PDZRN3: variants seen among roughly 807,000 people sequenced by gnomAD.
PDZRN3 encodes E3 ubiquitin-protein ligase PDZRN3.
PDZRN3 carries 38 observed loss-of-function variants against 85.7 expected under a neutral mutation model. The observed-to-expected ratio is 0.44, with a 90% CI of 0.34 to 0.58. The LOEUF (loss-of-function observed/expected upper bound fraction) is 0.58. Among genes scored for constraint, PDZRN3 ranks in the 20% least tolerant of loss-of-function variants. PDZRN3 has a pLI of 0.01. For missense variants in PDZRN3, 1,629 were observed against 1,506.4 expected (o/e 1.08, Z -1.35); for synonymous variants, 759 against 638.0 (o/e 1.19, Z -2.86).
chr3:73,557,367 T>C (rs1389754408), intron 3 of PDZRN3, among the ~76,000 whole-genome samples: 1 of 152,254 alleles, frequency 6.6e-6, no homozygotes, highest in Non-Finnish European at 1.5e-5. Flanking sequence ...TAATAAAATC[T>C]GAAATATCTT....
chr3:73,471,465 T>C (rs1472845352), intron 3 of PDZRN3, among the ~76,000 whole-genome samples: 1 of 152,196 alleles, frequency 6.6e-6, no homozygotes, highest in African/African-American at 2.4e-5. Flanking sequence ...ATGTAATAAA[T>C]TAATCTAGGG....
intron 3 of PDZRN3, among the ~76,000 whole-genome samples, chr3:73,577,972 C>G (rs1280893712): frequency 1.3e-5 from 2 of 152,216 alleles, no homozygotes; most frequent in Non-Finnish European, 2.9e-5. Flanking sequence ...ATGGTTGAAG[C>G]AAACGCCACA....
At chr3:73,422,511 C>T (rs1207605383) in intron 3 of PDZRN3, among the ~76,000 whole-genome samples, 1 of 152,168 alleles carries the variant, frequency 6.6e-6, no homozygotes, top group Non-Finnish European at 1.5e-5. Context: ...AAAAAAATCA[C>T]TGAAATATTA....
intron 3 of PDZRN3, among the ~76,000 whole-genome samples, chr3:73,441,908 C>T (rs13090338): frequency 0.084 from 12,720 of 152,204 alleles, 589 homozygotes; most frequent in Middle Eastern, 0.17. Context: ...CTTCTAGATA[C>T]AAGGTTTCCT....
intron 3 of PDZRN3, among the ~76,000 whole-genome samples, chr3:73,565,956 G>A (rs1701941558): frequency 1.3e-5 from 2 of 152,048 alleles, no homozygotes; most frequent in Non-Finnish European, 2.9e-5. Context: ...TCAAAGACAT[G>A]AGTCACATCT....
In PDZRN3 at chr3:73,565,793, ACACACACAC is replaced by A. The variant is rs1559741109; in HGVS notation, c.918+36552_918+36560del. Among the ~76,000 whole-genome samples the A allele has an allele frequency of 5.2e-3, 752 of 145,166 alleles. 8 individuals carry two copies. The highest frequency in any genetic ancestry group is 7.4e-3 in the Non-Finnish European group (500 of 67,448). On this transcript the variant is annotated intron_variant, in intron 3 of 9. Coordinates refer to ENST00000263666, the MANE Select transcript of PDZRN3 (RefSeq NM_015009.3). ...TCTCTACTAAAAATACAAAACACAC[ACACACACAC>A]ACACACACACACACACACACACACA...
At chr3:73,538,330 G>T (rs1179933487) in intron 3 of PDZRN3, among the ~76,000 whole-genome samples, 2 of 152,224 alleles carry the variant, frequency 1.3e-5, no homozygotes, top group African/African-American at 4.8e-5. Flanking sequence ...CACTGTGGTT[G>T]TCTCATTTTC....
At chr3:73,554,239 CT>C (rs1456968188) in intron 3 of PDZRN3, among the ~76,000 whole-genome samples, 4 of 152,068 alleles carry the variant, frequency 2.6e-5, no homozygotes, top group Non-Finnish European at 5.9e-5. Context: ...CAGTATGCAG[CT>C]TACGAGGTGT....
chr3:73,623,494 G>T (rs1348731803), intron 1 of PDZRN3: 1 of 152,214 alleles, frequency 6.6e-6, no homozygotes. Context: ...CAACTTTAGA[G>T]AGGTTAAGCA....
intron 3 of PDZRN3, among the ~76,000 whole-genome samples, chr3:73,432,495 C>T (rs1168186246): frequency 3.3e-5 from 5 of 152,144 alleles, no homozygotes; most frequent in African/African-American, 1.2e-4. Flanking sequence ...CTCTCTCTGT[C>T]TCAGTGGGGA....
At chr3:73,474,810 G>C (rs11917657) in intron 3 of PDZRN3, among the ~76,000 whole-genome samples, 3 of 152,124 alleles carry the variant, frequency 2.0e-5, no homozygotes, top group Non-Finnish European at 2.9e-5. Context: ...ATGAACCAAG[G>C]GGTGGATGGT....
chr3:73,517,237 G>A (rs897037084), intron 3 of PDZRN3, among the ~76,000 whole-genome samples: 1 of 152,174 alleles, frequency 6.6e-6, no homozygotes, highest in African/African-American at 2.4e-5. Flanking sequence ...TAGTTAACCT[G>A]TATAATTTAT....
intron 3 of PDZRN3, among the ~76,000 whole-genome samples, chr3:73,599,336 A>T (rs1255122653): frequency 6.6e-6 from 1 of 152,244 alleles, no homozygotes; most frequent in Non-Finnish European, 1.5e-5. Flanking sequence ...AACTGAAATA[A>T]GCCAGTCACA....
chr3:73,599,277 G>A (rs1702476436), intron 3 of PDZRN3, among the ~76,000 whole-genome samples: 1 of 152,190 alleles, frequency 6.6e-6, no homozygotes, highest in East Asian at 1.9e-4. Context: ...TAAAGAGGAA[G>A]AAAATTATAA....
At chr3:73,406,110 G>C (rs771263518) in intron 3 of PDZRN3, among the ~76,000 whole-genome samples, 15 of 152,026 alleles carry the variant, frequency 9.9e-5, no homozygotes, top group Non-Finnish European at 2.1e-4. Context: ...AAGAACTCTG[G>C]GTCACAAAAT....
At chr3:73,403,603 A>G (rs1701796780) in intron 4 of PDZRN3, among the ~76,000 whole-genome samples, 1 of 152,190 alleles carries the variant, frequency 6.6e-6, no homozygotes, top group African/African-American at 2.4e-5. Flanking sequence ...GCTGGCAGAA[A>G]TAAGTTGAGA....
chr3:73,433,775 T>G (rs1460589731), intron 3 of PDZRN3: 2 of 1,530,016 alleles, frequency 1.3e-6, no homozygotes, highest in Non-Finnish European at 1.7e-6. Flanking sequence ...TCCCTTACAG[T>G]GCAGGCATTG....
At chr3:73,537,314 G>C (rs954744304) in intron 3 of PDZRN3, among the ~76,000 whole-genome samples, 12 of 152,202 alleles carry the variant, frequency 7.9e-5, no homozygotes, top group African/African-American at 2.9e-4. Flanking sequence ...CCCTTGGCCT[G>C]CTGAACTGTA....
At chr3:73,408,230 A>G (rs759170627) in intron 3 of PDZRN3, 13 of 702,874 alleles carry the variant, frequency 1.8e-5, no homozygotes, top group Admixed American at 1.4e-4. Context: ...GCTTTGGGCA[A>G]TTTAACTGTT....
Sources: allele counts gnomAD v4.1 joint callset (sites outside exome capture counted in the v4.1 genomes callset), GRCh38; gene constraint gnomAD v4.1.1; transcripts MANE v1.5; gene names NCBI Gene and HGNC (gene_info 2026-07-23, HGNC 2026-07-21).